Variants in CRHBP observed in about 807,000 individuals in gnomAD.
CRHBP encodes the protein corticotropin releasing hormone binding protein.
A neutral mutation model predicts 34.9 loss-of-function variants in CRHBP; 19 were observed. That is an observed-to-expected ratio of 0.55 (90% CI 0.38 to 0.80). CRHBP has a LOEUF of 0.80. CRHBP is among the 30% of genes least tolerant of loss of function. The pLI is 0.00. For missense variants in CRHBP, 328 were observed against 409.2 expected, an observed-to-expected ratio of 0.80 and a Z score of 1.71; for synonymous variants, 154 against 153.4, an observed-to-expected ratio of 1.00 and a Z score of -0.03.
Position 76,968,729 on chromosome 5 carries a change from C to T in CRHBP, c.813C>T (p.Ala271=). ...ADLCYPFHGP[A]QMKVGCDNTV... is the part of the protein sequence containing the mutation. ...TTTTATCTTTTCCATCCATTATAGC[C>T]CAGATGAAAGTTGGCTGTGACAACA... is the stretch of plus-strand genomic sequence containing the variant. Residue 271 remains alanine, a splice_region_variant and synonymous_variant, in exon 7 of 7, where the codon GCC becomes GCT. Coordinates refer to ENST00000274368, the MANE Select transcript of CRHBP (RefSeq NM_001882.4). The T allele has an allele frequency of 6.2e-7, 1 of 1,610,266 alleles. No individual in the cohort carries two copies. Among genetic ancestry groups the T allele is most frequent in the Non-Finnish European group, 8.5e-7 (1 of 1,177,712 alleles).
At chr5:76,961,740 T>C (rs79101755) in intron 5 of CRHBP, among the ~76,000 whole-genome samples, 2,618 of 152,120 alleles carry the variant, frequency 0.017, 76 homozygotes, top group African/African-American at 0.058. Flanking sequence ...TTCTGTGTTT[T>C]TTTGTTTGTT....
chr5:76,973,906 C>T (rs1048706457), downstream of CRHBP, among the ~76,000 whole-genome samples: 3 of 151,930 alleles, frequency 2.0e-5, no homozygotes, highest in Admixed American at 6.6e-5. Flanking sequence ...AGGGTTCAAG[C>T]GATTCTCCCG....
chr5:76,978,887 G>C (rs189957120), intron 3 of CRHBP, among the ~76,000 whole-genome samples: 7 of 152,248 alleles, frequency 4.6e-5, no homozygotes, highest in Non-Finnish European at 2.9e-5. Flanking sequence ...TTTGGAGGAA[G>C]TTCTACTATA....
intron 5 of CRHBP, among the ~76,000 whole-genome samples, chr5:76,960,778 T>TG (rs1402837893): frequency 2.0e-5 from 3 of 151,848 alleles, no homozygotes; most frequent in Non-Finnish European, 4.4e-5. Context: ...TTTTGTTTTT[T>TG]TTTTGAGATG....
rs1252462716 is a variant in CRHBP at position 76,965,540 on chromosome 5, T to C, written c.811+2080T>C. Among the ~76,000 whole-genome samples, 5 of 152,310 alleles carry C rather than the reference T, an allele frequency of 3.3e-5. No individual in the cohort carries two copies. In the South Asian group the frequency reaches 8.3e-4, roughly 25 times the overall value. On this transcript the variant is annotated intron_variant, in intron 6 of 6. Transcript: ENST00000274368. ...CACTAAAGTACTTCCATGCTCATGA[T>C]TGGAGAGCACCTTTGAGGAGATATA... is the stretch of plus-strand genomic sequence containing the variant.
chr5:76,980,833 G>A (rs566843425), intron 3 of CRHBP: 4 of 152,236 alleles, frequency 2.6e-5, no homozygotes, highest in East Asian at 1.9e-4. Context: ...TAATTTTTGC[G>A]GGAAGGGCTC....
chr5:76,965,896 A>G (rs1354657601), intron 6 of CRHBP, among the ~76,000 whole-genome samples: 1 of 152,222 alleles, frequency 6.6e-6, no homozygotes, highest in African/African-American at 2.4e-5. Context: ...AAAGGAATGA[A>G]ACACAGGAAC....
chr5:76,954,992 C>T (rs1561264333), intron 3 of CRHBP, among the ~76,000 whole-genome samples: 1 of 152,204 alleles, frequency 6.6e-6, no homozygotes, highest in Non-Finnish European at 1.5e-5. Flanking sequence ...ACTCGTTAAA[C>T]TGGAGACCTG....
At chr5:76,956,354 C>T (rs1207318778) in intron 4 of CRHBP, among the ~76,000 whole-genome samples, 1 of 152,140 alleles carries the variant, frequency 6.6e-6, no homozygotes, top group African/African-American at 2.4e-5. Context: ...TGATTCTGAG[C>T]CCACCACTCT....
intron 5 of CRHBP, among the ~76,000 whole-genome samples, chr5:76,959,909 G>A (rs1029818297): frequency 6.6e-6 from 1 of 152,168 alleles, no homozygotes; most frequent in African/African-American, 2.4e-5. Flanking sequence ...GGGCTATGGG[G>A]GTAATCTTGG....
intron 4 of CRHBP, among the ~76,000 whole-genome samples, chr5:76,956,601 G>C (rs1460028902): frequency 6.6e-6 from 1 of 152,160 alleles, no homozygotes; most frequent in Non-Finnish European, 1.5e-5. Flanking sequence ...TGGGCGTGGT[G>C]GTGGGCGCCT....
rs756379046 is a variant in CRHBP at position 76,958,782 on chromosome 5, C to T, written c.586C>T (p.Leu196=). 3.1e-6 allele frequency: 5 copies of T among 1,613,436 alleles called. No individual in the cohort carries two copies. Among genetic ancestry groups the T allele is most frequent in the African/African-American group, 1.3e-5 (1 of 74,918 alleles). The part of the protein sequence containing the change: ...ISQTPNGKFT[L]VVPHQHRNCS... ...TCAGACTCCAAATGGAAAGTTTACC[C>T]TGGTAGTTCCACACCAGCATCGAAA... Residue 196 remains leucine, a synonymous_variant, in exon 5 of 7, where the codon CTG becomes TTG. Coordinates refer to ENST00000274368, the MANE Select transcript of CRHBP (RefSeq NM_001882.4).
At chr5:76,975,825 A>AAAAAAAAAAAATATATATATATATATAT in intron 2 of CRHBP, among the ~76,000 whole-genome samples, 3 of 61,844 alleles carry the variant, frequency 4.9e-5, no homozygotes, top group African/African-American at 9.1e-5. Context: ...AAAAAAAAAA[A>AAAAAAAAAAAATATATATATATATATAT]ATATATATAT....
rs1580097568 is a variant in CRHBP, at chr5:76,968,891, C to G, written c.*6C>G. 1 of 1,612,186 alleles carries G rather than the reference C, an allele frequency of 6.2e-7. No homozygotes were observed. The highest frequency in any genetic ancestry group is 8.5e-7 in the Non-Finnish European group (1 of 1,178,788). Reference sequence around the variant, plus strand: ...TCTGTTTGTCTGGTCTTTGAATAACCAACCCAGTGATTTACATGCTGATAG... The same window carrying G: ...TCTGTTTGTCTGGTCTTTGAATAACGAACCCAGTGATTTACATGCTGATAG... On this transcript the variant is annotated 3_prime_UTR_variant, in exon 7 of 7. Coordinates refer to ENST00000274368, the MANE Select transcript of CRHBP (RefSeq NM_001882.4).
chr5:76,976,737 T>C (rs1746040227), intron 3 of CRHBP, among the ~76,000 whole-genome samples: 1 of 152,234 alleles, frequency 6.6e-6, no homozygotes, highest in African/African-American at 2.4e-5. Flanking sequence ...TTTGGTAATA[T>C]AATTTTATCT....
chr5:76,955,677 G>C lies in CRHBP; in HGVS notation c.358G>C (p.Gly120Arg). Residue 120 changes from glycine (G) to arginine (R), a missense_variant, in exon 4 of 7, where the codon GGG becomes CGG. Physicochemically the swap from Gly to Arg is moderately radical, Grantham distance 125. Coordinates refer to ENST00000274368, the MANE Select transcript of CRHBP (RefSeq NM_001882.4). ...GGTATTTGATGGTTGGATTCTCAAG[G>C]GGGAGAAGTTCCCCAGTTCCCAGGA... ...LKVFDGWILK[G>R]EKFPSSQDHP... 6.2e-7 allele frequency: 1 copy of C among 1,614,056 alleles called. No individual in the cohort carries two copies. The highest frequency in any genetic ancestry group is 1.1e-5 in the South Asian group (1 of 91,070).
At chr5:76,969,925 A>G (rs1262253155), downstream of CRHBP, among the ~76,000 whole-genome samples, 1 of 149,466 alleles carries the variant, frequency 6.7e-6, no homozygotes, top group Non-Finnish European at 1.5e-5. Flanking sequence ...CTAAGCTACA[A>G]AGAAAATTCT....
At chr5:76,954,261 C>T in intron 3 of CRHBP, 75 bp downstream of exon 3, 5 of 1,519,376 alleles carry the variant, frequency 3.3e-6, no homozygotes, top group Non-Finnish European at 8.9e-7. Context: ...GCGCTGCACC[C>T]AGCGTGGGGC....
chr5:76,966,138 C>A (rs1426057406), intron 6 of CRHBP, among the ~76,000 whole-genome samples: 1 of 152,174 alleles, frequency 6.6e-6, no homozygotes, highest in Non-Finnish European at 1.5e-5. Flanking sequence ...CCTGCCTCTG[C>A]CTCCCGAGTA....
Sources: allele counts gnomAD v4.1 joint callset (sites outside exome capture counted in the v4.1 genomes callset), GRCh38; gene constraint gnomAD v4.1.1; transcripts MANE v1.5; gene names NCBI Gene and HGNC (gene_info 2026-07-23, HGNC 2026-07-21).